Variants in CNKSR2 observed in about 807,000 individuals in gnomAD.
CNKSR2 encodes connector enhancer of kinase suppressor of Ras 2.
In CNKSR2, 14 loss-of-function variants were observed where a neutral mutation model predicts 84.4. That is an observed-to-expected ratio of 0.17 (90% CI 0.11 to 0.26). The LOEUF is 0.26. CNKSR2 is among the 10% of genes least tolerant of loss of function. The probability of loss-of-function intolerance (pLI) is 1.00; values close to 1 mark genes in which losing one functional copy is unlikely to be tolerated. For missense variants in CNKSR2, 485 were observed against 771.2 expected (o/e 0.63, Z 4.40); for synonymous variants, 275 against 277.9 (o/e 0.99, Z 0.10).
intron 18 of CNKSR2, among the ~76,000 whole-genome samples, chrX:21,606,368 A>G (rs1040778361): frequency 3.6e-5 from 4 of 112,005 alleles, no homozygotes; most frequent in African/African-American, 1.3e-4. Context: ...ATCTACAGCA[A>G]TGTATGTATT....
intron 11 of CNKSR2, among the ~76,000 whole-genome samples, chrX:21,532,866 TA>T (rs2147125258): frequency 9.0e-6 from 1 of 111,614 alleles, no homozygotes; most frequent in Non-Finnish European, 1.9e-5. Context: ...GCATCCCTGC[TA>T]ATTAGTTCAA....
chrX:21,449,631 T>C (rs1601804521), intron 4 of CNKSR2, among the ~76,000 whole-genome samples: 1 of 110,874 alleles, frequency 9.0e-6, no homozygotes, highest in East Asian at 2.8e-4. Context: ...TTAATAATGC[T>C]CATATCAAAT....
intron 13 of CNKSR2, among the ~76,000 whole-genome samples, chrX:21,573,644 G>A (rs1170108802): frequency 9.0e-6 from 1 of 111,617 alleles, no homozygotes; most frequent in Non-Finnish European, 1.9e-5. Context: ...CTATACCTTG[G>A]CCCCTTTTAG....
At chrX:21,479,051 C>T (rs1043799805) in intron 5 of CNKSR2, among the ~76,000 whole-genome samples, 1 of 111,656 alleles carries the variant, frequency 9.0e-6, no homozygotes, top group Admixed American at 9.5e-5. Flanking sequence ...TTACCCCTTA[C>T]CCCCTCCTAC....
chrX:21,559,466 A>C (rs1208121658), intron 11 of CNKSR2, among the ~76,000 whole-genome samples: 1 of 111,300 alleles, frequency 9.0e-6, no homozygotes, highest in African/African-American at 3.3e-5. Flanking sequence ...ATACTTGTTC[A>C]TACATTGCAT....
intron 20 of CNKSR2, among the ~76,000 whole-genome samples, chrX:21,621,849 T>TA (rs2092603225): frequency 9.0e-6 from 1 of 111,035 alleles, no homozygotes; most frequent in Non-Finnish European, 1.9e-5. Context: ...CAAACGAAAT[T>TA]AAAAAACAAA....
intron 20 of CNKSR2, among the ~76,000 whole-genome samples, chrX:21,631,745 G>A (rs1451028765): frequency 8.9e-6 from 1 of 112,019 alleles, no homozygotes; most frequent in African/African-American, 3.2e-5. Flanking sequence ...GCAGTATGTA[G>A]AATAAAATAA....
At chrX:21,457,987 C>T (rs1259524911) in intron 4 of CNKSR2, among the ~76,000 whole-genome samples, 2 of 111,843 alleles carry the variant, frequency 1.8e-5, no homozygotes, top group Admixed American at 9.5e-5. Flanking sequence ...CTGGAATCTG[C>T]TGTTTGCTGA....
chrX:21,379,169 G>A (rs1460061413), intron 1 of CNKSR2, among the ~76,000 whole-genome samples: 2 of 112,936 alleles, frequency 1.8e-5, no homozygotes, highest in East Asian at 5.5e-4. Context: ...GAATGTGTTG[G>A]ATAAGGCAAA....
chrX:21,402,751 G>C (rs1179369387), intron 1 of CNKSR2, among the ~76,000 whole-genome samples: 1 of 110,863 alleles, frequency 9.0e-6, no homozygotes, highest in South Asian at 3.8e-4. Context: ...CTATTAACAA[G>C]TTCATCAAAC....
chrX:21,410,032 C>G (rs945603820), intron 1 of CNKSR2, among the ~76,000 whole-genome samples: 19 of 97,688 alleles, frequency 1.9e-4, no homozygotes, highest in South Asian at 1.4e-3. Context: ...CTAATTGTGT[C>G]TGTGTGTGTG....
rs56377458 is a variant in CNKSR2 at position 21,433,653 on chromosome X, TACACAC to T, written c.431+876_431+881del. On this transcript the variant is annotated intron_variant, in intron 3 of 21. Coordinates refer to ENST00000379510, the MANE Select transcript of CNKSR2 (RefSeq NM_014927.5). ...TCAGTAGGATATTCATATGTGTTCC[TACACAC>T]ACACACACACACACACACACACACA... Among the ~76,000 whole-genome samples the T allele has an allele frequency of 4.8e-3, 419 of 87,543 alleles. 3 individuals carry two copies. The highest frequency in any genetic ancestry group is 0.015 in the African/African-American group (368 of 24,329). 76.0% of individuals were successfully genotyped at this position (87,543 alleles called of 115,157 possible).
intron 13 of CNKSR2, among the ~76,000 whole-genome samples, chrX:21,580,477 C>A (rs1282099455): frequency 9.0e-6 from 1 of 111,711 alleles, no homozygotes; most frequent in Non-Finnish European, 1.9e-5. Flanking sequence ...ATTATACTGA[C>A]ACAGACTTTC....
chrX:21,384,572 C>A (rs1382820122), intron 1 of CNKSR2, among the ~76,000 whole-genome samples: 1 of 111,736 alleles, frequency 8.9e-6, no homozygotes, highest in Non-Finnish European at 1.9e-5. Context: ...TTTCACTGTG[C>A]TCCTATTGAA....
At chrX:21,461,584 G>A (rs1180767060) in intron 4 of CNKSR2, among the ~76,000 whole-genome samples, 1 of 112,190 alleles carries the variant, frequency 8.9e-6, no homozygotes, top group South Asian at 3.7e-4. Context: ...ATGTGATTGT[G>A]GGGTAATACT....
chrX:21,627,365 G>C (rs1602051585), intron 20 of CNKSR2, among the ~76,000 whole-genome samples: 1 of 110,380 alleles, frequency 9.1e-6, no homozygotes, highest in Non-Finnish European at 1.9e-5. Flanking sequence ...CTGGCATGGT[G>C]GCAGGTGCCT....
chrX:21,583,978 A>G (rs1482120280), intron 13 of CNKSR2, among the ~76,000 whole-genome samples: 2 of 112,429 alleles, frequency 1.8e-5, no homozygotes, highest in Admixed American at 1.9e-4. Context: ...AAATACTTTC[A>G]TAATAGCCTT....
At chrX:21,497,409 C>T (rs1350432962) in intron 6 of CNKSR2, among the ~76,000 whole-genome samples, 1 of 111,620 alleles carries the variant, frequency 9.0e-6, no homozygotes, top group African/African-American at 3.2e-5. Flanking sequence ...AAGTTAATAA[C>T]ATACCAATAT....
At chrX:21,576,727 G>A (rs936062266) in intron 13 of CNKSR2, among the ~76,000 whole-genome samples, 4 of 111,578 alleles carry the variant, frequency 3.6e-5, no homozygotes, top group Non-Finnish European at 7.5e-5. Flanking sequence ...CTCTGTGCCT[G>A]TAAGTTTATC....
Sources: gnomAD v4.1 joint callset for allele counts (sites outside exome capture counted in the v4.1 genomes callset) on GRCh38, gnomAD v4.1.1 for gene constraint, MANE v1.5 for transcripts, NCBI Gene and HGNC (gene_info 2026-07-23, HGNC 2026-07-21) for gene names.